Variants in PROX2 observed in about 807,000 individuals in gnomAD.
The protein encoded by PROX2 is prospero homeobox 2, also known as prospero homeobox protein 2.
A neutral mutation model predicts 48.9 loss-of-function variants in PROX2; 46 were observed. That is an observed-to-expected ratio of 0.94 (90% CI 0.74 to 1.20). The LOEUF is 1.20. Among genes scored for constraint, PROX2 ranks in the 50% most tolerant of loss-of-function variants. PROX2 has a pLI of 0.00. For synonymous variants in PROX2, 260 were observed against 276.6 expected, an observed-to-expected ratio of 0.94 and a Z score of 0.60; for missense variants, 663 against 719.4, an observed-to-expected ratio of 0.92 and a Z score of 0.90.
chr14:74,870,386 C>G (rs377302487), intron 2 of PROX2, among the ~76,000 whole-genome samples: 111 of 143,332 alleles, frequency 7.7e-4, no homozygotes, highest in African/African-American at 2.9e-3. Flanking sequence ...GATTGCGCCA[C>G]TGCACTCTAG....
intron 2 of PROX2, among the ~76,000 whole-genome samples, chr14:74,867,264 C>A (rs1348443802): frequency 6.6e-6 from 1 of 152,166 alleles, no homozygotes; most frequent in Non-Finnish European, 1.5e-5. Flanking sequence ...GGAGCCACTA[C>A]CCTCAACAAT....
chr14:74,858,773 G>T, intron 3 of PROX2: 1 of 267,356 alleles, frequency 3.7e-6, no homozygotes, highest in Non-Finnish European at 6.5e-6. Context: ...ACAGGTTGGT[G>T]TATTTTGTGT....
chr14:74,857,800 G>A (rs1484389799), intron 4 of PROX2: 3 of 139,032 alleles, frequency 2.2e-5, no homozygotes, highest in African/African-American at 8.1e-5. Flanking sequence ...GTCTCGCTTT[G>A]TCGCCCAGGC....
intron 3 of PROX2, among the ~76,000 whole-genome samples, chr14:74,860,460 G>C (rs79403084): frequency 6.6e-6 from 1 of 152,094 alleles, no homozygotes; most frequent in Non-Finnish European, 1.5e-5. Context: ...GCTAAGTGGT[G>C]GTGGGCACAT....
chr14:74,871,516 G>A (rs1331928781), intron 1 of PROX2, among the ~76,000 whole-genome samples: 4 of 152,254 alleles, frequency 2.6e-5, no homozygotes, highest in Admixed American at 6.5e-5. Context: ...GCTCACGCCT[G>A]TAATCCCAGT....
At chr14:74,875,720 C>G (rs1883326514) in intron 1 of PROX2, among the ~76,000 whole-genome samples, 175 bp downstream of exon 1, 2 of 152,046 alleles carry the variant, frequency 1.3e-5, no homozygotes, top group Non-Finnish European at 2.9e-5. Context: ...GTATTTCAGC[C>G]AACAAAAATA....
chr14:74,861,147 C>G, intron 3 of PROX2: 4 of 1,229,144 alleles, frequency 3.3e-6, no homozygotes, highest in South Asian at 1.2e-5. Flanking sequence ...TGGTAATGAG[C>G]TGGTCCCACC....
chr14:74,874,023 A>G, intron 1 of PROX2: 1 of 520,480 alleles, frequency 1.9e-6, no homozygotes. Context: ...CCTGTTATCT[A>G]ACAGGATGTC....
At chr14:74,865,999 G>A (rs902886421) in intron 2 of PROX2, among the ~76,000 whole-genome samples, 1 of 152,200 alleles carries the variant, frequency 6.6e-6, no homozygotes, top group Non-Finnish European at 1.5e-5. Flanking sequence ...GCTCATGCCT[G>A]TAATCCCAGC....
rs950584927 is a variant in PROX2, at chr14:74,858,601, G to C, written c.1306-87C>G. On this transcript the variant is annotated intron_variant, in intron 3 of 5. Transcript: ENST00000556489. ...TTCCTTGTTCCTGTGGTTTCTATTT[G>C]ATTTCATTTTGTTTTTCTGATTGGA... 12 of 739,058 alleles carry C rather than the reference G, an allele frequency of 1.6e-5. No homozygotes were observed. In the African/African-American group the frequency reaches 2.1e-4, roughly 13 times the overall value. 45.8% of individuals were successfully genotyped at this position (739,058 alleles called of 1,614,324 possible). A position where few individuals can be genotyped will look rare whatever the true frequency, so the allele number is the denominator to read the frequency against.
chr14:74,860,157 C>T (rs2091783334), intron 3 of PROX2, among the ~76,000 whole-genome samples: 2 of 152,128 alleles, frequency 1.3e-5, no homozygotes, highest in Admixed American at 6.5e-5. Flanking sequence ...GGTCTAAACC[C>T]GTTATCTGAA....
intron 4 of PROX2, chr14:74,857,612 T>C (rs1419036367): frequency 6.6e-6 from 1 of 152,394 alleles, no homozygotes; most frequent in South Asian, 2.1e-4. Flanking sequence ...TCCCAACAAT[T>C]AGTTTGATTT....
At chr14:74,869,509 C>T (rs563005633) in intron 2 of PROX2, among the ~76,000 whole-genome samples, 207 of 152,278 alleles carry the variant, frequency 1.4e-3, no homozygotes, top group South Asian at 6.4e-3. Flanking sequence ...AACTCCCGAC[C>T]TCAGGTGATC....
At chr14:74,875,484 C>A (rs955671898) in intron 1 of PROX2, among the ~76,000 whole-genome samples, 2 of 152,208 alleles carry the variant, frequency 1.3e-5, no homozygotes, top group African/African-American at 2.4e-5. Context: ...AGCACTTGGG[C>A]TGGGAGTTAG....
intron 1 of PROX2, chr14:74,874,100 G>A: frequency 1.9e-6 from 1 of 528,890 alleles, no homozygotes; most frequent in Admixed American, 2.0e-5. Context: ...GATAGATATG[G>A]CTTTTCTAAA....
intron 2 of PROX2, among the ~76,000 whole-genome samples, chr14:74,868,879 T>C (rs1399359903): frequency 6.6e-6 from 1 of 151,686 alleles, no homozygotes; most frequent in African/African-American, 2.4e-5. Context: ...ATGGAGAACA[T>C]AGACCCACAA....
Position 74,855,245 on chromosome 14 carries a change from C to T in PROX2, c.1666G>A (p.Val556Ile), listed in dbSNP as rs772743112. The change falls in exon 6 of 6, where the codon GTC (valine) becomes ATC (isoleucine). Residue 556 changes from valine to isoleucine, a missense_variant. Physicochemically the swap from Val to Ile is conservative, Grantham distance 29 (BLOSUM62 3). Transcript: ENST00000556489. Reference protein sequence around the residue: ...SLTLQEFFRAVSAGRDSDPSW... With the variant: ...SLTLQEFFRAISAGRDSDPSW... ...GGATCTGAGTCTCTCCCTGCGGAGA[C>T]AGCCCTGAAGAACTCCTGTAACGTC... 4 of 1,590,920 alleles carry T rather than the reference C, an allele frequency of 2.5e-6. No individual in the cohort carries two copies. Among genetic ancestry groups the T allele is most frequent in the Admixed American group, 1.7e-5 (1 of 59,160 alleles).
At chr14:74,857,171 C>T in intron 4 of PROX2, 176 bp from the exon 5 acceptor site, 1 of 548,490 alleles carries the variant, frequency 1.8e-6, no homozygotes, top group Non-Finnish European at 3.2e-6. Context: ...TTTAGTTATA[C>T]TCAGAAAAAT....
At chr14:74,872,390 A>T (rs1202683801) in intron 1 of PROX2, among the ~76,000 whole-genome samples, 1 of 152,108 alleles carries the variant, frequency 6.6e-6, no homozygotes, top group East Asian at 1.9e-4. Flanking sequence ...GTAGATGACC[A>T]CCCAACGTGA....
Sources: gnomAD v4.1 joint callset for allele counts (sites outside exome capture counted in the v4.1 genomes callset) on GRCh38, gnomAD v4.1.1 for gene constraint, MANE v1.5 for transcripts, NCBI Gene and HGNC (gene_info 2026-07-23, HGNC 2026-07-21) for gene names.